INSL6: variants seen among roughly 807,000 people sequenced by gnomAD.
The protein encoded by INSL6 is insulin like 6.
In INSL6, 16 loss-of-function variants were observed where a neutral mutation model predicts 9.4. The observed-to-expected ratio is 1.70, with a 90% CI of 1.15 to 2.59. INSL6 has a LOEUF of 2.59. INSL6 is among the 30% of genes most tolerant of loss of function. INSL6 has a pLI of 0.00. For synonymous variants in INSL6, 154 were observed against 96.9 expected (o/e 1.59, Z -3.46); for missense variants, 391 against 257.3 (o/e 1.52, Z -3.56).
chr9:5,140,262 C>G (rs551118729), intron 2 of INSL6, among the ~76,000 whole-genome samples: 2 of 152,200 alleles, frequency 1.3e-5, no homozygotes, highest in South Asian at 4.2e-4. Flanking sequence ...TCACAGCTAT[C>G]AGATCAGAAC....
intron 1 of INSL6, among the ~76,000 whole-genome samples, chr9:5,168,139 T>C (rs751996463): frequency 4.8e-4 from 73 of 152,112 alleles, no homozygotes; most frequent in Middle Eastern, 3.2e-3. Flanking sequence ...TGCAAAAACG[T>C]TGGGAACTCA....
Position 5,185,467 on chromosome 9 carries a change from C to G in INSL6, c.136G>C (p.Gly46Arg). 6.2e-7 allele frequency: 1 copy of G among 1,614,168 alleles called. No homozygotes were observed. Among genetic ancestry groups the G allele is most frequent in the Non-Finnish European group, 8.5e-7 (1 of 1,180,038 alleles). The stretch of plus-strand genomic sequence containing the variant: ...CGGAACTGGCTCCAGTTGGCATGGC[C>G]GCAGAGTTTTTCTATTTCTTTCACC... ...YLVKEIEKLC[G>R]HANWSQFRFE... The change falls in exon 1 of 2, where the codon GGC becomes CGC. Residue 46 changes from glycine to arginine, a missense_variant. Coordinates refer to ENST00000381641, the MANE Select transcript of INSL6 (RefSeq NM_007179.3).
At chr9:5,050,665 C>T in the INSL6 span, 1 of 1,602,916 alleles carries the variant, frequency 6.2e-7, no homozygotes. Flanking sequence ...TGAGATATTT[C>T]CTTCAAATTT....
At chr9:5,004,675 T>G in the INSL6 span, among the ~76,000 whole-genome samples, 1 of 152,154 alleles carries the variant, frequency 6.6e-6, no homozygotes, top group East Asian at 1.9e-4. Context: ...ATATGGTAGT[T>G]CCATTTTAAT....
At chr9:5,111,280 G>C in the INSL6 span, 3 of 481,778 alleles carry the variant, frequency 6.2e-6, no homozygotes, top group African/African-American at 2.0e-5. Flanking sequence ...ACTCAGGCTG[G>C]CTTCCTGCCG....
chr9:5,058,123 C>T, the INSL6 span, among the ~76,000 whole-genome samples: 1 of 152,176 alleles, frequency 6.6e-6, no homozygotes, highest in East Asian at 1.9e-4. Context: ...TACTTTTTGA[C>T]AATTGTGAGT....
chr9:5,057,667 G>A, the INSL6 span, among the ~76,000 whole-genome samples: 6 of 143,444 alleles, frequency 4.2e-5, no homozygotes, highest in Non-Finnish European at 7.5e-5. Context: ...ACTGTAACCT[G>A]TGCCTCCTGG....
chr9:5,156,707 A>G (rs1279693315), intron 2 of INSL6, among the ~76,000 whole-genome samples: 7 of 152,198 alleles, frequency 4.6e-5, no homozygotes, highest in African/African-American at 1.4e-4. Context: ...GAAATTAAAG[A>G]CATTATATTG....
At chr9:5,090,386 TA>T in the INSL6 span, 1 of 1,223,164 alleles carries the variant, frequency 8.2e-7, no homozygotes, top group Non-Finnish European at 1.1e-6. Flanking sequence ...GATAGTTTTC[TA>T]ATATTTAATC....
intron 2 of INSL6, among the ~76,000 whole-genome samples, chr9:5,144,329 T>C (rs185703017): frequency 2.0e-5 from 3 of 152,330 alleles, no homozygotes; most frequent in East Asian, 1.9e-4. Context: ...AATTTCTTAG[T>C]AGTGATTTCG....
the INSL6 span, among the ~76,000 whole-genome samples, chr9:4,999,727 G>A: frequency 2.6e-5 from 4 of 152,276 alleles, no homozygotes; most frequent in Middle Eastern, 3.4e-3. Context: ...AGGATTACAG[G>A]CGTGAGCCCC....
chr9:5,134,950 G>A (rs1001529942), intron 2 of INSL6, among the ~76,000 whole-genome samples: 6 of 152,254 alleles, frequency 3.9e-5, no homozygotes, highest in African/African-American at 1.4e-4. Flanking sequence ...CAGCTCACAT[G>A]CAAAGACACA....
At chr9:5,006,111 T>C in the INSL6 span, among the ~76,000 whole-genome samples, 2 of 152,308 alleles carry the variant, frequency 1.3e-5, no homozygotes, top group Admixed American at 1.3e-4. Flanking sequence ...CGATATTGAT[T>C]CTTCCTACCC....
At chr9:5,155,494 G>C (rs1824797222) in intron 2 of INSL6, among the ~76,000 whole-genome samples, 1 of 144,352 alleles carries the variant, frequency 6.9e-6, no homozygotes, top group East Asian at 2.1e-4. Context: ...AAAACCTGGA[G>C]GTACCTAGCA....
At chr9:5,113,956 T>G in the INSL6 span, 2 of 263,514 alleles carry the variant, frequency 7.6e-6, no homozygotes, top group Non-Finnish European at 1.5e-5. Flanking sequence ...CATCTCTGGG[T>G]ACACCCAGGT....
the INSL6 span, among the ~76,000 whole-genome samples, chr9:4,997,249 C>G: frequency 6.6e-6 from 1 of 152,158 alleles, no homozygotes; most frequent in African/African-American, 2.4e-5. Context: ...TCTGTTCTTG[C>G]ATTGCTATAA....
the INSL6 span, among the ~76,000 whole-genome samples, chr9:5,052,445 T>G: frequency 2.0e-5 from 3 of 152,092 alleles, no homozygotes; most frequent in Admixed American, 2.0e-4. Flanking sequence ...AGTGTAGATA[T>G]TAAACATTCA....
At chr9:5,114,209 C>A in the INSL6 span, 1 of 497,466 alleles carries the variant, frequency 2.0e-6, no homozygotes, top group South Asian at 1.8e-5. Context: ...TGAGCCGGTC[C>A]AGCCCCTTCT....
chr9:5,081,945 C>G, the INSL6 span: 1 of 1,180,458 alleles, frequency 8.5e-7, no homozygotes, highest in African/African-American at 1.6e-5. Flanking sequence ...TCACTTTCTA[C>G]AACATTTTAA....
Sources: allele counts gnomAD v4.1 joint callset (sites outside exome capture counted in the v4.1 genomes callset), GRCh38; gene constraint gnomAD v4.1.1; transcripts MANE v1.5; gene names NCBI Gene and HGNC (gene_info 2026-07-23, HGNC 2026-07-21).